The following LNPEP variants were observed in gnomAD, a reference collection of about 807,000 sequenced individuals.
LNPEP encodes leucyl and cystinyl aminopeptidase.
A neutral mutation model predicts 120.6 loss-of-function variants in LNPEP; 64 were observed. The ratio of observed to expected loss-of-function variants is 0.53; its 90% CI spans 0.43 to 0.65. LNPEP has a LOEUF of 0.65. LNPEP is among the 30% of genes least tolerant of loss of function. The probability of loss-of-function intolerance (pLI) is 0.00; values close to 1 mark genes in which losing one functional copy is unlikely to be tolerated. For synonymous variants in LNPEP, 435 were observed against 425.4 expected (o/e 1.02, Z -0.28); for missense variants, 1,057 against 1,200.0 (o/e 0.88, Z 1.76).
intron 1 of LNPEP, among the ~76,000 whole-genome samples, chr5:96,941,524 T>G (rs1470940284): frequency 6.6e-6 from 1 of 152,290 alleles, no homozygotes; most frequent in East Asian, 1.9e-4. Flanking sequence ...TCAGCAACTT[T>G]TCTGAAAGTT....
rs1791468787 is a variant in LNPEP at position 97,031,509 on chromosome 5, A to G, written c.*2976A>G. The G allele has an allele frequency of 6.6e-6, 1 of 152,224 alleles. No homozygotes were observed. The highest frequency in any genetic ancestry group is 1.5e-5 in the Non-Finnish European group (1 of 68,048). 9.4% of individuals were successfully genotyped at this position (152,224 alleles called of 1,614,324 possible). On this transcript the variant is annotated 3_prime_UTR_variant, in exon 18 of 18. Coordinates refer to ENST00000231368, the MANE Select transcript of LNPEP (RefSeq NM_005575.3). ...CCACCACAGGAACACAAGAGTTGTC[A>G]GAAGACTCCTGGGTGTACAGAGCAA...
chr5:96,941,104 T>G (rs565010801), intron 1 of LNPEP, among the ~76,000 whole-genome samples: 1 of 151,322 alleles, frequency 6.6e-6, no homozygotes, highest in South Asian at 2.1e-4. Flanking sequence ...CATCTAGGAG[T>G]GGTGGGAGAC....
Position 96,944,656 on chromosome 5 carries a change from C to T in LNPEP, c.19+8482C>T, listed in dbSNP as rs564332395. Among the ~76,000 whole-genome samples the T allele has an allele frequency of 1.9e-4, 28 of 148,932 alleles. No homozygotes were observed. The South Asian group carries it at 6.1e-3, about 32-fold the overall frequency. ...CAATCTCAGCTCACTGCAAACTCCG[C>T]CGCCCAGGTTCAAGCAATTCTTGTG... On this transcript the variant is annotated intron_variant, in intron 1 of 17. Coordinates refer to ENST00000231368, the MANE Select transcript of LNPEP (RefSeq NM_005575.3).
rs916997121 is a variant in LNPEP at position 97,034,555 on chromosome 5, G to A, written c.*6022G>A. On this transcript the variant is annotated 3_prime_UTR_variant, in exon 18 of 18. Transcript: ENST00000231368. ...TGGAGTTGTAGGAATCAAATGTAATGAGGGACCCAGACCCGAGAGTGTGGT... is the reference window on the plus strand; with the variant it reads ...TGGAGTTGTAGGAATCAAATGTAATAAGGGACCCAGACCCGAGAGTGTGGT... The A allele has an allele frequency of 5.9e-5, 9 of 151,794 alleles. No homozygotes were observed. Among genetic ancestry groups the A allele is most frequent in the African/African-American group, 9.7e-5 (4 of 41,334 alleles). 9.4% of individuals were successfully genotyped at this position (151,794 alleles called of 1,614,324 possible). A position where few individuals can be genotyped will look rare whatever the true frequency, so the allele number is the denominator to read the frequency against.
chr5:96,999,121 C>T (rs1317128081), intron 8 of LNPEP, among the ~76,000 whole-genome samples: 1 of 152,074 alleles, frequency 6.6e-6, no homozygotes, highest in African/African-American at 2.4e-5. Flanking sequence ...TATTTTTTTC[C>T]TATGCAACAG....
At chr5:97,004,868 T>C (rs1221206952) in intron 9 of LNPEP, among the ~76,000 whole-genome samples, 2 of 152,264 alleles carry the variant, frequency 1.3e-5, no homozygotes, top group East Asian at 3.8e-4. Context: ...GTTTACTTTA[T>C]ACTTACTGTC....
intron 1 of LNPEP, among the ~76,000 whole-genome samples, chr5:96,943,532 C>T (rs1324218392): frequency 2.6e-5 from 4 of 152,224 alleles, no homozygotes; most frequent in Non-Finnish European, 4.4e-5. Context: ...AATGTTCTGC[C>T]TGTCTTGACC....
At position 96,982,034 on chromosome 5, in the gene LNPEP, T is replaced by C. The variant is rs562096509; in HGVS notation, c.860+2056T>C. On this transcript the variant is annotated intron_variant, in intron 2 of 17. Coordinates refer to ENST00000231368, the MANE Select transcript of LNPEP (RefSeq NM_005575.3). ...GAAGGGCTGGAAACTGTTCCAAGCC[T>C]CTTACGTGTTTAGTCTTTTATTCTG... 4.6e-5 allele frequency among the ~76,000 whole-genome samples: 7 copies of C among 152,290 alleles called. No individual in the cohort carries two copies. In the South Asian group the frequency reaches 1.5e-3, roughly 32 times the overall value.
chr5:97,006,644 A>G (rs903335846), intron 11 of LNPEP, 129 bp downstream of exon 11: 8 of 626,656 alleles, frequency 1.3e-5, no homozygotes. Flanking sequence ...CATATGCAAG[A>G]TGTGACTAAT....
chr5:97,003,718 T>G (rs1790710360), intron 9 of LNPEP, among the ~76,000 whole-genome samples, 172 bp downstream of exon 9: 1 of 151,936 alleles, frequency 6.6e-6, no homozygotes, highest in South Asian at 2.1e-4. Context: ...CTAAATTTTA[T>G]GTCAAGAAAT....
intron 13 of LNPEP, among the ~76,000 whole-genome samples, chr5:97,018,676 G>T (rs1791120134): frequency 6.6e-6 from 1 of 152,114 alleles, no homozygotes; most frequent in Non-Finnish European, 1.5e-5. Flanking sequence ...CTACAGTTAG[G>T]AATTGGGATA....
intron 2 of LNPEP, among the ~76,000 whole-genome samples, chr5:96,980,569 G>C (rs1391377810): frequency 6.6e-6 from 1 of 152,052 alleles, no homozygotes; most frequent in African/African-American, 2.4e-5. Flanking sequence ...AAATTATTCA[G>C]CTCCCTATTT....
At chr5:96,979,071 T>G in intron 1 of LNPEP, 67 bp from the exon 2 acceptor site, 1 of 1,503,358 alleles carries the variant, frequency 6.7e-7, no homozygotes, top group East Asian at 2.3e-5. Context: ...GTAGAAGACA[T>G]GTTATTAATA....
intron 1 of LNPEP, among the ~76,000 whole-genome samples, chr5:96,971,281 A>G (rs1032628191): frequency 6.7e-6 from 1 of 149,842 alleles, no homozygotes; most frequent in African/African-American, 2.5e-5. Context: ...GGTTCTCTTA[A>G]AGGTTTTCTT....
At position 96,993,962 on chromosome 5, in the gene LNPEP, G is replaced by A; in HGVS notation, c.1398G>A (p.Leu466=). Reference sequence around the variant, plus strand: ...TGACTAAAATCATTGCTCATGAGCTGGCCCACCAGGTATTAGCAACCAAGG... The same window carrying A: ...TGACTAAAATCATTGCTCATGAGCTAGCCCACCAGGTATTAGCAACCAAGG... ...KLVTKIIAHE[L]AHQWFGNLVT... Residue 466 remains leucine, a synonymous_variant, in exon 6 of 18, where the codon CTG becomes CTA. Transcript: ENST00000231368. The A allele has an allele frequency of 6.2e-7, 1 of 1,613,714 alleles. No homozygotes were observed. Among genetic ancestry groups the A allele is most frequent in the Non-Finnish European group, 8.5e-7 (1 of 1,179,712 alleles).
intron 4 of LNPEP, among the ~76,000 whole-genome samples, chr5:96,988,571 T>G (rs1481798077): frequency 1.3e-5 from 2 of 151,842 alleles, no homozygotes; most frequent in African/African-American, 4.8e-5. Flanking sequence ...CTCCTGACCT[T>G]GTGATCCGCC....
chr5:97,015,125 T>A, intron 13 of LNPEP, 30 bp downstream of exon 13: 1 of 1,479,192 alleles, frequency 6.8e-7, no homozygotes, highest in Non-Finnish European at 9.0e-7. Flanking sequence ...AGCTTCTTGC[T>A]GTTTATCTTT....
intron 2 of LNPEP, 86 bp downstream of exon 2, chr5:96,980,064 T>C: frequency 3.0e-6 from 4 of 1,317,792 alleles, no homozygotes; most frequent in Non-Finnish European, 4.1e-6. Flanking sequence ...GAGACACGAA[T>C]TGTGATTTTT....
At chr5:97,006,297 GT>G in intron 10 of LNPEP, 64 bp downstream of exon 10, 1 of 1,429,060 alleles carries the variant, frequency 7.0e-7, no homozygotes, top group Non-Finnish European at 9.7e-7. Context: ...ATTTTTAAGT[GT>G]TTTATAATCA....
Sources: gnomAD v4.1 joint callset for allele counts (sites outside exome capture counted in the v4.1 genomes callset) on GRCh38, gnomAD v4.1.1 for gene constraint, MANE v1.5 for transcripts, NCBI Gene and HGNC (gene_info 2026-07-23, HGNC 2026-07-21) for gene names.